The following LHFPL3 variants were observed in gnomAD, a reference collection of about 807,000 sequenced individuals.
The protein encoded by LHFPL3 is LHFPL tetraspan subfamily member 3 protein.
In LHFPL3, 5 loss-of-function variants were observed where a neutral mutation model predicts 19.3. That is an observed-to-expected ratio of 0.26 (90% CI 0.14 to 0.54). The LOEUF (loss-of-function observed/expected upper bound fraction) is 0.54. Among genes scored for constraint, LHFPL3 ranks in the 20% least tolerant of loss-of-function variants. The pLI, the probability that LHFPL3 is intolerant of heterozygous loss-of-function variation, is 0.94. For missense variants in LHFPL3, 249 were observed against 307.4 expected, an observed-to-expected ratio of 0.81 and a Z score of 1.42; for synonymous variants, 133 against 126.2, an observed-to-expected ratio of 1.05 and a Z score of -0.36.
At chr7:104,776,194 A>T (rs781715085) in intron 2 of LHFPL3, among the ~76,000 whole-genome samples, 1 of 152,234 alleles carries the variant, frequency 6.6e-6, no homozygotes, top group Non-Finnish European at 1.5e-5. Flanking sequence ...GCCCAAAGTC[A>T]TCCAGGCTCC....
chr7:104,381,377 A>G (rs1176827816), intron 1 of LHFPL3, among the ~76,000 whole-genome samples: 1 of 152,080 alleles, frequency 6.6e-6, no homozygotes, highest in South Asian at 2.1e-4. Context: ...TCTTCTCCAT[A>G]TTTCCATGTT....
At chr7:104,875,573 G>A (rs550853786) in intron 2 of LHFPL3, among the ~76,000 whole-genome samples, 1 of 152,304 alleles carries the variant, frequency 6.6e-6, no homozygotes, top group East Asian at 1.9e-4. Context: ...ATCCAACCAG[G>A]ACCTTCAAAG....
chr7:104,878,816 G>C (rs1435265746), intron 2 of LHFPL3, among the ~76,000 whole-genome samples: 3 of 152,178 alleles, frequency 2.0e-5, no homozygotes, highest in Non-Finnish European at 4.4e-5. Context: ...AATGGAAAGT[G>C]CTACTCCAGT....
At chr7:104,453,299 G>A (rs981917162) in intron 1 of LHFPL3, among the ~76,000 whole-genome samples, 1 of 151,210 alleles carries the variant, frequency 6.6e-6, no homozygotes, top group African/African-American at 2.5e-5. Flanking sequence ...GCACTAGGGG[G>A]AGATGGCGGG....
At chr7:104,864,883 G>C (rs1321343095) in intron 2 of LHFPL3, among the ~76,000 whole-genome samples, 1 of 152,188 alleles carries the variant, frequency 6.6e-6, no homozygotes, top group Admixed American at 6.5e-5. Context: ...AAAACTTCCA[G>C]AGGAATGATC....
At chr7:104,525,145 T>G (rs1794162140) in intron 1 of LHFPL3, among the ~76,000 whole-genome samples, 1 of 152,186 alleles carries the variant, frequency 6.6e-6, no homozygotes. Flanking sequence ...GTATCACACA[T>G]CTTAAATCTC....
chr7:104,334,247 T>C (rs1353342459), intron 1 of LHFPL3, among the ~76,000 whole-genome samples: 1 of 152,204 alleles, frequency 6.6e-6, no homozygotes, highest in Non-Finnish European at 1.5e-5. Context: ...AAAAGGACTT[T>C]AAATTTCCCA....
At chr7:104,388,056 TGTTA>T (rs1238011747) in intron 1 of LHFPL3, among the ~76,000 whole-genome samples, 1 of 152,176 alleles carries the variant, frequency 6.6e-6, no homozygotes. Flanking sequence ...GGTGTTCTTG[TGTTA>T]GTTTTCTTAG....
intron 1 of LHFPL3, among the ~76,000 whole-genome samples, chr7:104,719,290 T>G (rs554615596): frequency 8.1e-4 from 124 of 152,280 alleles, no homozygotes; most frequent in African/African-American, 2.7e-3. Context: ...CATGTATATA[T>G]ATAATCTTTG....
At chr7:104,380,261 A>G (rs1790802219) in intron 1 of LHFPL3, among the ~76,000 whole-genome samples, 1 of 152,170 alleles carries the variant, frequency 6.6e-6, no homozygotes, top group Non-Finnish European at 1.5e-5. Context: ...TACTTAATAA[A>G]TAATAATTTC....
intron 1 of LHFPL3, among the ~76,000 whole-genome samples, chr7:104,329,629 T>C (rs1801533322): frequency 6.6e-6 from 1 of 151,814 alleles, no homozygotes; most frequent in African/African-American, 2.4e-5. Context: ...TTTGGAGAGG[T>C]CATAGTGGAA....
In LHFPL3 at chr7:104,534,133, C is replaced by T. The variant is rs958944906; in HGVS notation, c.446-202542C>T. 5.3e-5 allele frequency among the ~76,000 whole-genome samples: 8 copies of T among 152,304 alleles called. No individual in the cohort carries two copies. The South Asian group carries it at 1.2e-3, about 24-fold the overall frequency. ...CAGCTTCCTAACGGTCTCCAGTCTC[C>T]TATTTTGTTCCTCACCTGGCAGCCA... On this transcript the variant is annotated intron_variant, in intron 1 of 2. Coordinates refer to ENST00000424859, the MANE Select transcript of LHFPL3 (RefSeq NM_199000.3).
intron 1 of LHFPL3, among the ~76,000 whole-genome samples, chr7:104,431,376 A>G (rs981570716): frequency 2.6e-5 from 4 of 152,136 alleles, no homozygotes; most frequent in Non-Finnish European, 4.4e-5. Flanking sequence ...AGACTCCTTC[A>G]TCCTTTCAGT....
chr7:104,643,043 G>A (rs995825809), intron 1 of LHFPL3, among the ~76,000 whole-genome samples: 1 of 152,110 alleles, frequency 6.6e-6, no homozygotes, highest in Non-Finnish European at 1.5e-5. Flanking sequence ...TATGTCTTTT[G>A]TTTTCTATAT....
chr7:104,625,431 C>G lies in LHFPL3; in HGVS notation c.446-111244C>G, dbSNP rs563041431. ...GTTCCACAATATTGGAGACAAAATC[C>G]TCCCACTCATGGGCACAAGCCCAGC... On this transcript the variant is annotated intron_variant, in intron 1 of 2. Coordinates refer to ENST00000424859, the MANE Select transcript of LHFPL3 (RefSeq NM_199000.3). 9.2e-5 allele frequency among the ~76,000 whole-genome samples: 14 copies of G among 152,240 alleles called. No homozygotes were observed. The South Asian group carries it at 2.5e-3, about 27-fold the overall frequency.
At position 104,342,523 on chromosome 7, in the gene LHFPL3, G is replaced by A. The variant is rs1789978201; in HGVS notation, c.445+13299G>A. ...TAAATAAAACAAAAGAAAAGGAAAG[G>A]AATGAGTTCCTTTTATACCCACAAA... On this transcript the variant is annotated intron_variant, in intron 1 of 2. Transcript: ENST00000424859. Among the ~76,000 whole-genome samples, 3 of 152,018 alleles carry A rather than the reference G, an allele frequency of 2.0e-5. No homozygotes were observed. The South Asian group carries it at 6.2e-4, about 32-fold the overall frequency.
intron 1 of LHFPL3, among the ~76,000 whole-genome samples, chr7:104,404,387 G>A (rs549658834): frequency 6.6e-6 from 1 of 152,240 alleles, no homozygotes; most frequent in South Asian, 2.1e-4. Flanking sequence ...ACCAGATGAA[G>A]CAAATATTTT....
chr7:104,779,172 A>G (rs1333451083), intron 2 of LHFPL3, among the ~76,000 whole-genome samples: 3 of 152,160 alleles, frequency 2.0e-5, no homozygotes, highest in African/African-American at 7.2e-5. Flanking sequence ...TAGTTTCTTT[A>G]TCTATTGAAC....
At chr7:104,872,780 T>C (rs1791861152) in intron 2 of LHFPL3, among the ~76,000 whole-genome samples, 1 of 152,226 alleles carries the variant, frequency 6.6e-6, no homozygotes, top group African/African-American at 2.4e-5. Flanking sequence ...ACCATTCTTC[T>C]GGAATACCAC....
Sources: gnomAD v4.1 joint callset for allele counts (sites outside exome capture counted in the v4.1 genomes callset) on GRCh38, gnomAD v4.1.1 for gene constraint, MANE v1.5 for transcripts, NCBI Gene and HGNC (gene_info 2026-07-23, HGNC 2026-07-21) for gene names.